The following ADAM10 variants were observed in gnomAD, a reference collection of about 807,000 sequenced individuals.
ADAM10 encodes disintegrin and metalloproteinase domain-containing protein 10.
Under a neutral mutation model 90.1 loss-of-function variants are expected in ADAM10, and 17 were observed. The ratio of observed to expected loss-of-function variants is 0.19; its 90% CI spans 0.13 to 0.28. The LOEUF (loss-of-function observed/expected upper bound fraction) is 0.28. ADAM10 is among the 10% of genes least tolerant of loss of function. The probability of loss-of-function intolerance (pLI) is 1.00; values close to 1 mark genes in which losing one functional copy is unlikely to be tolerated. For synonymous variants in ADAM10, 310 were observed against 298.6 expected (o/e 1.04, Z -0.40); for missense variants, 610 against 914.3 (o/e 0.67, Z 4.29).
chr15:58,707,486 C>G (rs1463069647), intron 2 of ADAM10: 1 of 151,168 alleles, frequency 6.6e-6, no homozygotes, highest in East Asian at 1.9e-4. Context: ...AGCAAAAATA[C>G]ATAAACACAA....
intron 1 of ADAM10, chr15:58,747,581 T>C (rs1899832100): frequency 6.6e-6 from 1 of 152,136 alleles, no homozygotes; most frequent in Non-Finnish European, 1.5e-5. Flanking sequence ...TACAATAAAA[T>C]TACAAGTATC....
rs113392429 is a variant in ADAM10, at chr15:58,608,883, T to G, written c.2025+1414A>C. ...GATATGACTTAGTACCCCAAAAATC[T>G]AAAATATCTAGCACAATATATACTC... On this transcript the variant is annotated intron_variant, in intron 14 of 15. Coordinates refer to ENST00000260408, the MANE Select transcript of ADAM10 (RefSeq NM_001110.4). Among the ~76,000 whole-genome samples, 1,184 of 152,242 alleles carry G rather than the reference T, an allele frequency of 7.8e-3. 20 individuals carry two copies. The highest frequency in any genetic ancestry group is 0.027 in the African/African-American group (1,116 of 41,542).
chr15:58,672,052 T>C (rs1478167272), intron 4 of ADAM10, among the ~76,000 whole-genome samples: 2 of 112,592 alleles, frequency 1.8e-5, no homozygotes, highest in Non-Finnish European at 3.2e-5. Context: ...CCTTACTCAA[T>C]TTATTTGTAA....
At chr15:58,696,729 T>C (rs1395014701) in intron 2 of ADAM10, among the ~76,000 whole-genome samples, 3 of 152,126 alleles carry the variant, frequency 2.0e-5, no homozygotes, top group Admixed American at 2.0e-4. Context: ...CCTGGGAAAG[T>C]GCTGGGATTA....
At chr15:58,639,582 A>G (rs1434443128) in intron 8 of ADAM10, among the ~76,000 whole-genome samples, 14 of 152,168 alleles carry the variant, frequency 9.2e-5, no homozygotes, top group Admixed American at 9.2e-4. Flanking sequence ...GTAACAAAAA[A>G]GTACAGATTA....
intron 2 of ADAM10, among the ~76,000 whole-genome samples, chr15:58,690,365 G>A (rs1217699190): frequency 1.3e-5 from 2 of 152,124 alleles, no homozygotes; most frequent in African/African-American, 4.8e-5. Flanking sequence ...ATGCAACTCT[G>A]TAACATTAAG....
intron 2 of ADAM10, among the ~76,000 whole-genome samples, chr15:58,706,266 G>A (rs1241792637): frequency 2.0e-5 from 3 of 152,140 alleles, no homozygotes; most frequent in Non-Finnish European, 4.4e-5. Flanking sequence ...TACTATCAGA[G>A]TAATCCAGGA....
chr15:58,627,983 T>G (rs1340582608), intron 9 of ADAM10, 100 bp from the exon 10 acceptor site: 1 of 1,171,716 alleles, frequency 8.5e-7, no homozygotes, highest in Non-Finnish European at 1.2e-6. Context: ...CAATGGAAGC[T>G]TGTGGACTCT....
At chr15:58,604,290 G>A (rs1160547410) in intron 14 of ADAM10, among the ~76,000 whole-genome samples, 2 of 152,206 alleles carry the variant, frequency 1.3e-5, no homozygotes, top group South Asian at 2.1e-4. Context: ...GAACCTGGGA[G>A]ACGGTGGTTG....
chr15:58,601,930 T>C (rs1318081651), intron 14 of ADAM10, among the ~76,000 whole-genome samples: 1 of 152,228 alleles, frequency 6.6e-6, no homozygotes, highest in African/African-American at 2.4e-5. Flanking sequence ...TCTCGCTGCA[T>C]CCTATCAAGT....
At chr15:58,676,210 G>C (rs1387527878) in intron 4 of ADAM10, 3 of 437,198 alleles carry the variant, frequency 6.9e-6, no homozygotes, top group African/African-American at 6.1e-5. Flanking sequence ...TCTTCCATGA[G>C]TGAAGCAGAA....
rs1205632495 is a variant in ADAM10 at position 58,620,957 on chromosome 15, C to T, written c.1511+514G>A. Among the ~76,000 whole-genome samples the T allele has an allele frequency of 4.8e-5, 2 of 41,272 alleles. 1 individual carries two copies. Among genetic ancestry groups the T allele is most frequent in the Non-Finnish European group, 6.9e-5 (2 of 28,890 alleles). The allele number at this position is 41,272 out of a possible 152,430, so 27.1% of individuals were successfully genotyped here. On this transcript the variant is annotated intron_variant, in intron 11 of 15. Coordinates refer to ENST00000260408, the MANE Select transcript of ADAM10 (RefSeq NM_001110.4). ...TGCTGGGATTACAGGCGTGAGCCAC[C>T]GCGCCCGGCCAAGAATATGTATTTT...
chr15:58,602,637 T>C (rs889735668), intron 14 of ADAM10, among the ~76,000 whole-genome samples: 2 of 152,016 alleles, frequency 1.3e-5, no homozygotes, highest in African/African-American at 2.4e-5. Flanking sequence ...CACACACACA[T>C]ATTCATATAT....
chr15:58,633,375 A>G lies in ADAM10; in HGVS notation c.1013-16T>C, dbSNP rs772115046. ...CCAGAGCTTCCTAATCCAGAACAAA[A>G]AAATGGCTAAATTAGTATCTGTTTC... On this transcript the variant is annotated splice_polypyrimidine_tract_variant and intron_variant, in intron 8 of 15. Coordinates refer to ENST00000260408, the MANE Select transcript of ADAM10 (RefSeq NM_001110.4). The G allele has an allele frequency of 1.9e-6, 3 of 1,611,718 alleles. No individual in the cohort carries two copies. The African/African-American group carries it at 4.0e-5, about 22-fold the overall frequency.
intron 2 of ADAM10, among the ~76,000 whole-genome samples, chr15:58,701,754 A>G (rs1009436059): frequency 1.3e-5 from 2 of 152,182 alleles, no homozygotes; most frequent in Non-Finnish European, 2.9e-5. Context: ...TCAACGGATA[A>G]ATGTTTAAAG....
chr15:58,740,444 T>C (rs768910028), intron 1 of ADAM10, among the ~76,000 whole-genome samples: 1 of 152,088 alleles, frequency 6.6e-6, no homozygotes, highest in African/African-American at 2.4e-5. Flanking sequence ...GCAATATCTA[T>C]AAAATAGAAA....
chr15:58,727,176 C>CTTTTTTTTTT (rs779017607), intron 1 of ADAM10, among the ~76,000 whole-genome samples: 1 of 78,008 alleles, frequency 1.3e-5, no homozygotes, highest in Non-Finnish European at 2.4e-5. Flanking sequence ...CCTGACTAAT[C>CTTTTTTTTTT]TTTTTTTTTT....
intron 1 of ADAM10, chr15:58,748,869 C>A (rs1899879581): frequency 2.5e-6 from 1 of 399,200 alleles, no homozygotes; most frequent in African/African-American, 2.0e-5. Flanking sequence ...CGGGTGATGA[C>A]TGCTGCCACT....
chr15:58,680,403 G>C (rs1010689105), intron 3 of ADAM10, among the ~76,000 whole-genome samples: 1 of 152,178 alleles, frequency 6.6e-6, no homozygotes, highest in Admixed American at 6.5e-5. Context: ...GATTACAGGC[G>C]TGAGTCACCA....
Sources: allele counts gnomAD v4.1 joint callset (sites outside exome capture counted in the v4.1 genomes callset), GRCh38; gene constraint gnomAD v4.1.1; transcripts MANE v1.5; gene names NCBI Gene and HGNC (gene_info 2026-07-23, HGNC 2026-07-21).